The following PRDM16 variants were observed in gnomAD, a reference collection of about 807,000 sequenced individuals.
PRDM16 encodes histone-lysine N-methyltransferase PRDM16.
PRDM16 carries 23 observed loss-of-function variants against 110.6 expected under a neutral mutation model. That is an observed-to-expected ratio of 0.21 (90% CI 0.15 to 0.29). The LOEUF is 0.29. PRDM16 is among the 10% of genes least tolerant of loss of function. The pLI is 1.00. For synonymous variants in PRDM16, 799 were observed against 781.8 expected (o/e 1.02, Z -0.37); for missense variants, 1,615 against 1,794.3 (o/e 0.90, Z 1.81).
At chr1:3,272,681 C>T (rs547701855) in intron 3 of PRDM16, among the ~76,000 whole-genome samples, 12 of 152,206 alleles carry the variant, frequency 7.9e-5, no homozygotes, top group Non-Finnish European at 1.8e-4. Context: ...CAGGAAGATT[C>T]GAAAGTTCCC....
chr1:3,217,657 C>T (rs1293960884), intron 2 of PRDM16, among the ~76,000 whole-genome samples: 3 of 152,190 alleles, frequency 2.0e-5, no homozygotes, highest in East Asian at 1.9e-4. Flanking sequence ...CCAGAAGCAG[C>T]GTTTTCACTC....
At chr1:3,217,695 C>G (rs928573058) in intron 2 of PRDM16, among the ~76,000 whole-genome samples, 1 of 152,222 alleles carries the variant, frequency 6.6e-6, no homozygotes, top group Non-Finnish European at 1.5e-5. Flanking sequence ...GGGGCCAGGT[C>G]CCCGTGCCGT....
intron 2 of PRDM16, among the ~76,000 whole-genome samples, chr1:3,197,851 C>T (rs1219942905): frequency 1.3e-5 from 2 of 152,060 alleles, no homozygotes; most frequent in Non-Finnish European, 2.9e-5. Context: ...GGGTCAGGGA[C>T]GAGGGTCAGG....
intron 1 of PRDM16, among the ~76,000 whole-genome samples, chr1:3,070,299 C>A (rs546847153): frequency 0.025 from 3,729 of 149,332 alleles, 140 homozygotes; most frequent in African/African-American, 0.085. Flanking sequence ...GCCGGGTGCT[C>A]CAGCCACCCG....
In PRDM16 at chr1:3,081,884, C is replaced by T. The variant is rs1054409340; in HGVS notation, c.37+12588C>T. Among the ~76,000 whole-genome samples, 1 of 152,208 alleles carries T rather than the reference C, an allele frequency of 6.6e-6. No individual in the cohort carries two copies. Among genetic ancestry groups the T allele is most frequent in the Admixed American group, 6.5e-5 (1 of 15,292 alleles). ...AGACCCTGCCATCCCTAGCTCCCCT[C>T]ACAGACCCAGAGGCAGAGGCCTTCA... On this transcript the variant is annotated intron_variant, in intron 1 of 16. Coordinates refer to ENST00000270722, the MANE Select transcript of PRDM16 (RefSeq NM_022114.4). This position sits in a 1 kb window ranked among gnomAD's most constrained non-coding sequence, Gnocchi z 4.6.
intron 1 of PRDM16, among the ~76,000 whole-genome samples, chr1:3,093,577 G>T (rs1557440746): frequency 6.6e-6 from 1 of 152,164 alleles, no homozygotes; most frequent in African/African-American, 2.4e-5. Flanking sequence ...GTGTCTGGTC[G>T]TGAAGGCTGA....
chr1:3,137,259 C>T (rs1010094691), intron 1 of PRDM16, among the ~76,000 whole-genome samples: 5 of 152,216 alleles, frequency 3.3e-5, no homozygotes, highest in Non-Finnish European at 7.3e-5. Context: ...CTTCTCCCCA[C>T]GCTGACCTGG....
At chr1:3,102,157 A>G (rs1642549089) in intron 1 of PRDM16, among the ~76,000 whole-genome samples, 1 of 152,152 alleles carries the variant, frequency 6.6e-6, no homozygotes, top group African/African-American at 2.4e-5. Context: ...GCAGTGGAGA[A>G]CCCAGAGCTC....
At chr1:3,131,057 G>A (rs1643326214) in intron 1 of PRDM16, among the ~76,000 whole-genome samples, 5 of 152,154 alleles carry the variant, frequency 3.3e-5, no homozygotes, top group Non-Finnish European at 1.5e-5. Flanking sequence ...GGAGGCCCCT[G>A]CCCTTGTCTT....
At chr1:3,138,496 G>A (rs1405800566) in intron 1 of PRDM16, among the ~76,000 whole-genome samples, 4 of 152,204 alleles carry the variant, frequency 2.6e-5, no homozygotes, top group Non-Finnish European at 5.9e-5. Context: ...GTGCTTATGA[G>A]TGAAGTCTTC....
intron 3 of PRDM16, among the ~76,000 whole-genome samples, chr1:3,343,733 T>C (rs1235666567): frequency 1.3e-5 from 2 of 151,990 alleles, no homozygotes; most frequent in African/African-American, 2.4e-5. Context: ...TCCCGGGTTC[T>C]CCGCCTCCGC....
intron 1 of PRDM16, among the ~76,000 whole-genome samples, chr1:3,122,526 G>A (rs1013938966): frequency 2.0e-5 from 3 of 152,174 alleles, no homozygotes; most frequent in South Asian, 2.1e-4. Context: ...TGGGGGCTGC[G>A]AGTGGCCGCG....
intron 1 of PRDM16, chr1:3,133,480 G>A (rs1037068621): frequency 1.3e-5 from 2 of 152,300 alleles, no homozygotes. Flanking sequence ...TGTCCTGCAC[G>A]ATGGGGAGAG....
intron 1 of PRDM16, among the ~76,000 whole-genome samples, chr1:3,127,188 C>T (rs1643226762): frequency 6.6e-6 from 1 of 152,246 alleles, no homozygotes; most frequent in Admixed American, 6.5e-5. Context: ...TTTCTAAAGA[C>T]AAATCTTTGC....
At chr1:3,334,971 C>G (rs1160780879) in intron 3 of PRDM16, among the ~76,000 whole-genome samples, 2 of 152,210 alleles carry the variant, frequency 1.3e-5, no homozygotes, top group African/African-American at 4.8e-5. Context: ...CCTGTACGAA[C>G]AGCAGCAACA....
chr1:3,261,869 G>A (rs1640171228), intron 3 of PRDM16, among the ~76,000 whole-genome samples: 3 of 152,204 alleles, frequency 2.0e-5, no homozygotes, highest in Admixed American at 2.0e-4. Flanking sequence ...CTGGCCTGCA[G>A]CCTGTGCAGC....
At chr1:3,349,649 G>T (rs949112065) in intron 3 of PRDM16, among the ~76,000 whole-genome samples, 3 of 152,202 alleles carry the variant, frequency 2.0e-5, no homozygotes, top group South Asian at 2.1e-4. Flanking sequence ...GCTCAGGGCC[G>T]CCCGTGAAAG....
chr1:3,383,638 C>T (rs940770220), intron 3 of PRDM16, among the ~76,000 whole-genome samples: 1 of 151,912 alleles, frequency 6.6e-6, no homozygotes, highest in East Asian at 1.9e-4. Context: ...AGTGCATGCC[C>T]AGCATCTGAG....
intron 1 of PRDM16, among the ~76,000 whole-genome samples, chr1:3,182,976 A>G (rs1448269158): frequency 6.6e-6 from 1 of 152,116 alleles, no homozygotes; most frequent in East Asian, 1.9e-4. Flanking sequence ...AGGTCTCCCC[A>G]TAGAAATTCT....
Sources: gnomAD v4.1 joint callset for allele counts (sites outside exome capture counted in the v4.1 genomes callset) on GRCh38, gnomAD v4.1.1 for gene constraint, Gnocchi (gnomAD v3.1) non-coding constraint, MANE v1.5 for transcripts, NCBI Gene and HGNC (gene_info 2026-07-23, HGNC 2026-07-21) for gene names.